MARCHF1: variants seen among roughly 807,000 people sequenced by gnomAD.
MARCHF1 encodes E3 ubiquitin-protein ligase MARCHF1.
A neutral mutation model predicts 54.2 loss-of-function variants in MARCHF1; 40 were observed. The ratio of observed to expected loss-of-function variants is 0.74; its 90% CI spans 0.57 to 0.96. MARCHF1 has a LOEUF of 0.96. MARCHF1 is among the 40% of genes least tolerant of loss of function. MARCHF1 has a pLI of 0.00. For missense variants in MARCHF1, 586 were observed against 656.5 expected, an observed-to-expected ratio of 0.89 and a Z score of 1.17; for synonymous variants, 236 against 236.3, an observed-to-expected ratio of 1.00 and a Z score of 0.01.
intron 9 of MARCHF1, among the ~76,000 whole-genome samples, chr4:163,532,052 C>CATT (rs1254228427): frequency 6.6e-6 from 1 of 151,816 alleles, no homozygotes; most frequent in African/African-American, 2.4e-5. Flanking sequence ...AATACTATCC[C>CATT]ATTCAGAATT....
chr4:163,999,250 A>C (rs1753140369), intron 2 of MARCHF1, among the ~76,000 whole-genome samples: 1 of 151,632 alleles, frequency 6.6e-6, no homozygotes, highest in Non-Finnish European at 1.5e-5. Flanking sequence ...AAACCGACAA[A>C]AAATGAAAAT....
chr4:164,026,454 C>T (rs1753770139), intron 2 of MARCHF1, among the ~76,000 whole-genome samples: 1 of 152,096 alleles, frequency 6.6e-6, no homozygotes, highest in African/African-American at 2.4e-5. Context: ...AAATGTTATT[C>T]ACTACATAAA....
chr4:163,583,456 A>C (rs1429418971), intron 8 of MARCHF1, among the ~76,000 whole-genome samples: 1 of 152,156 alleles, frequency 6.6e-6, no homozygotes, highest in Non-Finnish European at 1.5e-5. Flanking sequence ...AAAATAAAGA[A>C]TGTAGAAATG....
intron 5 of MARCHF1, among the ~76,000 whole-genome samples, chr4:163,672,028 T>A (rs1406013233): frequency 6.6e-6 from 1 of 152,190 alleles, no homozygotes; most frequent in Non-Finnish European, 1.5e-5. Flanking sequence ...ATATGTTTGA[T>A]TTGTTTACTC....
intron 5 of MARCHF1, among the ~76,000 whole-genome samples, chr4:163,624,773 T>C (rs922484329): frequency 3.3e-5 from 5 of 152,230 alleles, no homozygotes; most frequent in African/African-American, 9.6e-5. Context: ...TGCAAACAGA[T>C]CAAGTTCCAG....
At chr4:163,984,156 T>G (rs1163324226) in intron 3 of MARCHF1, among the ~76,000 whole-genome samples, 1 of 151,782 alleles carries the variant, frequency 6.6e-6, no homozygotes, top group Non-Finnish European at 1.5e-5. Context: ...AAACAAGAGA[T>G]GGCCCATGAG....
chr4:163,770,585 C>T (rs1261351304), intron 4 of MARCHF1, among the ~76,000 whole-genome samples: 3 of 150,874 alleles, frequency 2.0e-5, no homozygotes, highest in South Asian at 4.2e-4. Context: ...CACATACCCA[C>T]ATGCACTCAC....
intron 1 of MARCHF1, among the ~76,000 whole-genome samples, chr4:164,293,614 G>A (rs1005018187): frequency 6.6e-6 from 1 of 152,168 alleles, no homozygotes; most frequent in African/African-American, 2.4e-5. Context: ...GAGAAAGTCT[G>A]TACTAACAAG....
chr4:163,899,763 T>TACACACACAC (rs70948674), intron 3 of MARCHF1, among the ~76,000 whole-genome samples: 22,557 of 148,612 alleles, frequency 0.15, 1,868 homozygotes, highest in South Asian at 0.21. Context: ...TCTCACCCAC[T>TACACACACAC]ACACACACAC....
At chr4:163,621,541 T>G (rs922643779) in intron 5 of MARCHF1, among the ~76,000 whole-genome samples, 3 of 152,164 alleles carry the variant, frequency 2.0e-5, no homozygotes, top group African/African-American at 7.2e-5. Flanking sequence ...GAAAGCTTGA[T>G]TTTTTTAAAC....
intron 1 of MARCHF1, among the ~76,000 whole-genome samples, chr4:164,221,997 T>C (rs1323857503): frequency 2.0e-5 from 3 of 151,946 alleles, no homozygotes; most frequent in African/African-American, 7.3e-5. Flanking sequence ...AAGAAAAAAT[T>C]GGACCTGGTG....
intron 3 of MARCHF1, among the ~76,000 whole-genome samples, chr4:163,866,521 T>C (rs537540358): frequency 1.4e-5 from 2 of 139,530 alleles, no homozygotes; most frequent in Admixed American, 1.6e-4. Flanking sequence ...TATAATAATA[T>C]ATTATGAATT....
At chr4:163,973,255 ATACTTTTGGGT>A (rs1752585442) in intron 3 of MARCHF1, among the ~76,000 whole-genome samples, 2 of 152,194 alleles carry the variant, frequency 1.3e-5, no homozygotes, top group South Asian at 4.1e-4. Context: ...TTAGCTCATG[ATACTTTTGGGT>A]TATTTACATC....
chr4:163,828,264 T>C (rs1194503453), intron 4 of MARCHF1, among the ~76,000 whole-genome samples: 1 of 152,216 alleles, frequency 6.6e-6, no homozygotes, highest in East Asian at 1.9e-4. Context: ...TAACTACTTT[T>C]GGACCAACCT....
intron 7 of MARCHF1, among the ~76,000 whole-genome samples, chr4:163,593,457 A>G (rs1274530687): frequency 6.6e-6 from 1 of 152,218 alleles, no homozygotes; most frequent in Non-Finnish European, 1.5e-5. Context: ...ATACAGGAGA[A>G]GGCTTTTGTA....
At chr4:163,845,100 A>C in intron 4 of MARCHF1, among the ~76,000 whole-genome samples, 1 of 152,168 alleles carries the variant, frequency 6.6e-6, no homozygotes, top group Non-Finnish European at 1.5e-5. Flanking sequence ...GTTACTGAGC[A>C]CTTTTAGAGT....
chr4:164,321,070 G>A (rs1030604128), intron 1 of MARCHF1, among the ~76,000 whole-genome samples: 2 of 152,176 alleles, frequency 1.3e-5, no homozygotes, highest in African/African-American at 4.8e-5. Context: ...AGGGCGACAG[G>A]CTACTCCAAC....
intron 3 of MARCHF1, among the ~76,000 whole-genome samples, chr4:163,918,105 T>G (rs1310798356): frequency 6.6e-6 from 1 of 152,196 alleles, no homozygotes; most frequent in Non-Finnish European, 1.5e-5. Context: ...TTCAATTTTC[T>G]GTATATGGCT....
At chr4:164,039,326 T>C (rs964326593) in intron 2 of MARCHF1, among the ~76,000 whole-genome samples, 1 of 152,188 alleles carries the variant, frequency 6.6e-6, no homozygotes, top group Non-Finnish European at 1.5e-5. Flanking sequence ...TAGCAACATA[T>C]ATTGATTTTG....
Sources: gnomAD v4.1 joint callset for allele counts (sites outside exome capture counted in the v4.1 genomes callset) on GRCh38, gnomAD v4.1.1 for gene constraint, MANE v1.5 for transcripts, NCBI Gene and HGNC (gene_info 2026-07-23, HGNC 2026-07-21) for gene names.